MDN1: variants seen among roughly 807,000 people sequenced by gnomAD.
MDN1 encodes midasin.
A neutral mutation model predicts 669.2 loss-of-function variants in MDN1; 266 were observed. That is an observed-to-expected ratio of 0.40 (90% confidence interval 0.36 to 0.44). MDN1 has a LOEUF of 0.44. Ranked by LOEUF, MDN1 falls within the 20% of genes least tolerant of loss-of-function variation. The pLI is 1.00. For missense variants in MDN1, 5,940 were observed against 6,754.0 expected, an observed-to-expected ratio of 0.88 and a Z score of 4.22; for synonymous variants, 2,385 against 2,457.1, an observed-to-expected ratio of 0.97 and a Z score of 0.87.
At chr6:89,702,163 G>A (rs1813203954) in intron 53 of MDN1, 102 bp from the exon 54 acceptor site, 3 of 1,154,580 alleles carry the variant, frequency 2.6e-6, no homozygotes, top group African/African-American at 1.6e-5. Context: ...CATCTCCCGG[G>A]AAAAGACACA....
Position 89,683,869 on chromosome 6 carries a change from G to A in MDN1, c.11865C>T (p.Ser3955=), listed in dbSNP as rs1473620037. Residue 3955 remains serine (S), a synonymous_variant, in exon 72 of 102, where the codon AGC becomes AGT. Transcript: ENST00000369393. ...FVKISKWNDV[S]FWSIKQSVEK... ...CTACAGATTGCTTAATGGACCAGAA[G>A]CTGACATCATTCCACTTGGAAATCT... 2 of 1,613,470 alleles carry A rather than the reference G, an allele frequency of 1.2e-6. No homozygotes were observed. Among genetic ancestry groups the A allele is most frequent in the Non-Finnish European group, 1.7e-6 (2 of 1,179,700 alleles).
rs920952580 is a variant in MDN1, at chr6:89,715,677, G to A, written c.6836C>T (p.Thr2279Met). The change falls in exon 45 of 102, where the codon ACG becomes ATG. Residue 2279 changes from threonine to methionine, a missense_variant. Coordinates refer to ENST00000369393, the MANE Select transcript of MDN1 (RefSeq NM_014611.3). ...ERGMIDGSTP[T>M]ITPNPNFRLF... ...CCTGAAATTGGGATTTGGTGTTATC[G>A]TGGGAGTGGATCCATCTATCATTCC... 5.6e-6 allele frequency: 9 copies of A among 1,610,196 alleles called. No individual in the cohort carries two copies. The highest frequency in any genetic ancestry group is 7.7e-6 in the Non-Finnish European group (9 of 1,176,390).
rs758449253 is a variant in MDN1, at chr6:89,673,421, G to T, written c.13289C>A (p.Ser4430Tyr). The T allele has an allele frequency of 6.2e-7, 1 of 1,614,128 alleles. No individual in the cohort carries two copies. Among genetic ancestry groups the T allele is most frequent in the Non-Finnish European group, 8.5e-7 (1 of 1,180,034 alleles). ...GCCCTGCAAATGAACTGACACCTGG[G>T]ACAAGCAACTCAGCGCAGAAGAGCA... Reference protein sequence around the residue: ...EVCSSALSCLSQVSVHLQGLE... With the variant: ...EVCSSALSCLYQVSVHLQGLE... Residue 4430 changes from serine (S) to tyrosine (Y), a missense_variant, in exon 80 of 102, where the codon TCC (serine) becomes TAC (tyrosine). Physicochemically the swap from Ser to Tyr is moderately radical, Grantham distance 144. Around this residue, in one of 5 missense-constraint regions of MDN1, gnomAD observed 2,280 missense variants for 2,576.3 expected, o/e 0.88. Coordinates refer to ENST00000369393, the MANE Select transcript of MDN1 (RefSeq NM_014611.3).
At chr6:89,661,687 A>C in intron 87 of MDN1, 109 bp from the exon 88 acceptor site, 1 of 1,054,276 alleles carries the variant, frequency 9.5e-7, no homozygotes, top group Non-Finnish European at 1.3e-6. Flanking sequence ...AGAGAACACA[A>C]TATCTATTCC....
chr6:89,663,353 C>T (rs1809943850), intron 85 of MDN1, among the ~76,000 whole-genome samples: 1 of 152,108 alleles, frequency 6.6e-6, no homozygotes. Context: ...ATGATTTTTT[C>T]CAACACCTAA....
chr6:89,672,753 A>G (rs1278586035), intron 80 of MDN1, 51 bp from the exon 81 acceptor site: 1 of 1,582,590 alleles, frequency 6.3e-7, no homozygotes. Flanking sequence ...GACACCAATC[A>G]TTTGCTTTAG....
At chr6:89,776,044 T>A (rs1287232158) in intron 12 of MDN1, among the ~76,000 whole-genome samples, 1 of 152,202 alleles carries the variant, frequency 6.6e-6, no homozygotes, top group South Asian at 2.1e-4. Context: ...AAACTCTGCA[T>A]TAAGTTATAG....
Position 89,700,794 on chromosome 6 carries a change from C to T in MDN1, c.8490G>A (p.Arg2830=), listed in dbSNP as rs1462865296. The change falls in exon 56 of 102, where the codon AGG becomes AGA. Residue 2830 remains arginine (R), a synonymous_variant. Coordinates refer to ENST00000369393, the MANE Select transcript of MDN1 (RefSeq NM_014611.3). ...TCTCCCCAAGGGCAGACATCTGCTC[C>T]CTGATGGCAAGGACTTTGTTAAGGA... The part of the protein sequence containing the change: ...LKVLNKVLAI[R]EQMSALGESG... 1.2e-6 allele frequency: 2 copies of T among 1,614,164 alleles called. No homozygotes were observed. The highest frequency in any genetic ancestry group is 1.1e-5 in the South Asian group (1 of 91,080).
At chr6:89,727,428 G>T (rs1175097894) in intron 37 of MDN1, among the ~76,000 whole-genome samples, 1 of 152,094 alleles carries the variant, frequency 6.6e-6, no homozygotes, top group Non-Finnish European at 1.5e-5. Flanking sequence ...ACACATAACG[G>T]ATCGTTTCCT....
In MDN1 at chr6:89,730,846, T is replaced by A; in HGVS notation, c.5020A>T (p.Lys1674Ter). ...CLKFLIKRLAKIVRLTEYQKN... is the reference protein window; with the variant it reads ...CLKFLIKRLA ...TGATATTCTGTAAGTCGTACTATCT[T>A]GGCAAGCCTCTTGATTAGAAATTTC... Residue 1674 changes from lysine (K) to a stop codon, truncating the protein, a stop_gained, in exon 35 of 102, where the codon AAG becomes TAG. Transcript: ENST00000369393. LOFTEE classifies it high-confidence loss of function. 1 of 1,614,112 alleles carries A rather than the reference T, an allele frequency of 6.2e-7. No homozygotes were observed. The highest frequency in any genetic ancestry group is 8.5e-7 in the Non-Finnish European group (1 of 1,180,000).
intron 51 of MDN1, 91 bp downstream of exon 51, chr6:89,708,405 C>T: frequency 6.8e-7 from 1 of 1,467,372 alleles, no homozygotes; most frequent in Non-Finnish European, 9.2e-7. Flanking sequence ...CAAAATTCAA[C>T]ACACATAAGC....
chr6:89,755,261 G>A (rs1397556103), intron 20 of MDN1, among the ~76,000 whole-genome samples: 1 of 151,740 alleles, frequency 6.6e-6, no homozygotes, highest in African/African-American at 2.4e-5. Flanking sequence ...CAGGACTTCA[G>A]GACCAGGTGC....
chr6:89,810,594 G>A (rs747702234), intron 1 of MDN1, among the ~76,000 whole-genome samples: 1 of 152,176 alleles, frequency 6.6e-6, no homozygotes, highest in Non-Finnish European at 1.5e-5. Flanking sequence ...GCTTCTGGTT[G>A]TCATCATCAA....
chr6:89,683,731 CTTAATA>C, intron 72 of MDN1, 94 bp downstream of exon 72: 2 of 869,330 alleles, frequency 2.3e-6, no homozygotes, highest in South Asian at 2.9e-5. Flanking sequence ...GTTTAACACA[CTTAATA>C]TTAAGTTAGG....
At chr6:89,657,374 C>T (rs1170410380) in intron 90 of MDN1, among the ~76,000 whole-genome samples, 1 of 152,190 alleles carries the variant, frequency 6.6e-6, no homozygotes, top group Non-Finnish European at 1.5e-5. Flanking sequence ...TCCAGAATCA[C>T]CACTGTAACC....
At chr6:89,727,980 G>A (rs7767196) in intron 36 of MDN1, 25 bp from the exon 37 acceptor site, 1,333,659 of 1,585,990 alleles carry the variant, frequency 0.84, 562,171 homozygotes, top group East Asian at 1. Context: ...GAAATGGAAA[G>A]AAGCCATTAT....
intron 1 of MDN1, among the ~76,000 whole-genome samples, chr6:89,811,550 A>G (rs1234559241): frequency 6.6e-6 from 1 of 151,896 alleles, no homozygotes; most frequent in Admixed American, 6.6e-5. Flanking sequence ...AGTTCAACCA[A>G]TTCTCCTGCC....
chr6:89,798,181 CAAAAA>C (rs10706907), intron 2 of MDN1, among the ~76,000 whole-genome samples: 1 of 71,508 alleles, frequency 1.4e-5, no homozygotes. Flanking sequence ...GACTCTGTCT[CAAAAA>C]AAAAAAAAAA....
At position 89,706,175 on chromosome 6, in the gene MDN1, T is replaced by C. The variant is rs41273331; in HGVS notation, c.8032A>G (p.Thr2678Ala). 8,396 of 1,612,252 alleles carry C rather than the reference T, an allele frequency of 5.2e-3. 37 individuals are homozygous for C. The highest frequency in any genetic ancestry group is 5.9e-3 in the Non-Finnish European group (7,007 of 1,179,186). The change falls in exon 53 of 102, where the codon ACT (threonine) becomes GCT (alanine). Residue 2678 changes from threonine to alanine, a missense_variant. By Grantham distance (58) the Thr-to-Ala change is moderately conservative. This residue lies in a region of MDN1 where 2,292 missense variants were observed against 2,638.3 expected (regional missense o/e 0.87). Transcript: ENST00000369393. ...EFHQDPESYHTLPHEIVVNLA... is the reference protein window; with the variant it reads ...EFHQDPESYHALPHEIVVNLA... ...TTGACCACAATTTCATGGGGCAGAG[T>C]GTGATAGCTTTCTGGATCTGAGAGT...
Sources: gnomAD v4.1 joint callset for allele counts (sites outside exome capture counted in the v4.1 genomes callset) on GRCh38, gnomAD v4.1.1 for gene constraint, gnomAD v4.1.1 regional missense constraint, MANE v1.5 for transcripts, NCBI Gene and HGNC (gene_info 2026-07-23, HGNC 2026-07-21) for gene names.